ARHGEF3: variants seen among roughly 807,000 people sequenced by gnomAD.
The protein encoded by ARHGEF3 is 59.8 kDA protein.
A neutral mutation model predicts 63.2 loss-of-function variants in ARHGEF3; 28 were observed. That is an observed-to-expected ratio of 0.44 (90% CI 0.33 to 0.61). The LOEUF is 0.61. Ranked by LOEUF, ARHGEF3 falls within the 20% of genes least tolerant of loss-of-function variation. The pLI is 0.03. For synonymous variants in ARHGEF3, 266 were observed against 254.2 expected, an observed-to-expected ratio of 1.05 and a Z score of -0.44; for missense variants, 533 against 659.3, an observed-to-expected ratio of 0.81 and a Z score of 2.10.
chr3:56,796,759 G>C (rs2037390406), intron 1 of ARHGEF3, among the ~76,000 whole-genome samples: 1 of 152,148 alleles, frequency 6.6e-6, no homozygotes, highest in Admixed American at 6.5e-5. Flanking sequence ...GGTCAACTGG[G>C]ATTTTAGTCT....
chr3:56,743,112 C>T (rs1289347155), intron 7 of ARHGEF3, among the ~76,000 whole-genome samples: 1 of 152,148 alleles, frequency 6.6e-6, no homozygotes, highest in African/African-American at 2.4e-5. Flanking sequence ...CGCACTCTTC[C>T]CAGTAATAAA....
At chr3:57,060,150 T>A (rs1579190314) in intron 1 of ARHGEF3, among the ~76,000 whole-genome samples, 1 of 151,674 alleles carries the variant, frequency 6.6e-6, no homozygotes, top group East Asian at 1.9e-4. Context: ...CGAGACCCCA[T>A]CTCTATAAAA....
intron 1 of ARHGEF3, chr3:57,074,392 C>A: frequency 1.3e-6 from 1 of 777,118 alleles, no homozygotes; most frequent in Non-Finnish European, 2.1e-6. Flanking sequence ...CTTTCTGCAT[C>A]TTCTTAGATA....
exon 3 of ARHGEF3, chr3:56,958,865 G>C: frequency 6.4e-7 from 1 of 1,551,676 alleles, no homozygotes; most frequent in Non-Finnish European, 8.7e-7. Context: ...ACATGGGAAA[G>C]TTGTTTTGCC....
At chr3:57,058,507 G>C (rs968037506) in intron 1 of ARHGEF3, among the ~76,000 whole-genome samples, 1 of 152,188 alleles carries the variant, frequency 6.6e-6, no homozygotes, top group Non-Finnish European at 1.5e-5. Flanking sequence ...GTGCTGGAGA[G>C]GATGTGGAGA....
At chr3:57,004,832 C>T (rs1016303433) in intron 2 of ARHGEF3, among the ~76,000 whole-genome samples, 1 of 152,140 alleles carries the variant, frequency 6.6e-6, no homozygotes, top group Admixed American at 6.5e-5. Flanking sequence ...TGGTGCTATA[C>T]ACCTGTAGTC....
chr3:57,071,112 G>A (rs1705876050), intron 1 of ARHGEF3, among the ~76,000 whole-genome samples: 1 of 152,122 alleles, frequency 6.6e-6, no homozygotes, highest in South Asian at 2.1e-4. Flanking sequence ...CATAAGGATA[G>A]ACATATAGAT....
At chr3:56,822,689 C>G (rs945966598) in intron 4 of ARHGEF3, among the ~76,000 whole-genome samples, 7 of 151,942 alleles carry the variant, frequency 4.6e-5, no homozygotes, top group African/African-American at 1.7e-4. Flanking sequence ...CCCATCTGTA[C>G]TAGAATTACA....
At chr3:56,841,550 T>A (rs893303540) in intron 4 of ARHGEF3, among the ~76,000 whole-genome samples, 1 of 152,158 alleles carries the variant, frequency 6.6e-6, no homozygotes, top group Admixed American at 6.5e-5. Flanking sequence ...CCAGAAATTT[T>A]AAAAATTTAA....
At chr3:56,908,205 G>A (rs1319846003) in intron 3 of ARHGEF3, among the ~76,000 whole-genome samples, 2 of 152,180 alleles carry the variant, frequency 1.3e-5, no homozygotes, top group African/African-American at 2.4e-5. Context: ...CAGTGACCCC[G>A]AGCGGGGACT....
intron 2 of ARHGEF3, among the ~76,000 whole-genome samples, chr3:56,756,106 A>C (rs986072614): frequency 6.6e-6 from 1 of 152,234 alleles, no homozygotes; most frequent in Non-Finnish European, 1.5e-5. Flanking sequence ...AAGAGGCCGC[A>C]GAAGTCCACC....
chr3:56,883,139 A>G (rs1160785461), intron 3 of ARHGEF3, among the ~76,000 whole-genome samples: 4 of 152,208 alleles, frequency 2.6e-5, no homozygotes, highest in African/African-American at 4.8e-5. Flanking sequence ...ACAGAACCCT[A>G]ATGTTGGAAA....
intron 3 of ARHGEF3, among the ~76,000 whole-genome samples, chr3:56,918,976 T>C (rs557692447): frequency 6.6e-6 from 1 of 152,338 alleles, no homozygotes; most frequent in South Asian, 2.1e-4. Context: ...TCCCATTTGC[T>C]GGATGCACTG....
At chr3:56,826,399 G>A (rs2038714459) in intron 4 of ARHGEF3, among the ~76,000 whole-genome samples, 1 of 152,008 alleles carries the variant, frequency 6.6e-6, no homozygotes, top group Non-Finnish European at 1.5e-5. Flanking sequence ...TTACTTTTTT[G>A]CACTATTCAG....
At chr3:57,048,672 C>T (rs1704559126) in intron 1 of ARHGEF3, among the ~76,000 whole-genome samples, 2 of 152,114 alleles carry the variant, frequency 1.3e-5, no homozygotes, top group South Asian at 4.2e-4. Flanking sequence ...GACCACAAAC[C>T]AAAGCGAATT....
chr3:57,011,555 G>GC (rs1702701684), intron 2 of ARHGEF3, among the ~76,000 whole-genome samples: 1 of 152,068 alleles, frequency 6.6e-6, no homozygotes, highest in Admixed American at 6.5e-5. Context: ...GCACAGGACA[G>GC]CCCCCCACCT....
chr3:56,906,616 A>G (rs936788971), intron 3 of ARHGEF3, among the ~76,000 whole-genome samples: 1 of 152,188 alleles, frequency 6.6e-6, no homozygotes, highest in Non-Finnish European at 1.5e-5. Context: ...CAAGTGGATC[A>G]CCTGAGGTCA....
At chr3:56,920,970 A>G (rs1049221674) in intron 3 of ARHGEF3, among the ~76,000 whole-genome samples, 16 of 144,664 alleles carry the variant, frequency 1.1e-4, no homozygotes, top group South Asian at 4.8e-4. Context: ...CAGGAGAATG[A>G]TGTGAACCTG....
chr3:56,986,209 G>A (rs941526161), intron 2 of ARHGEF3, among the ~76,000 whole-genome samples: 1 of 152,206 alleles, frequency 6.6e-6, no homozygotes, highest in African/African-American at 2.4e-5. Context: ...AGGAAGTGCA[G>A]GGTCTTTAGG....
Sources: gnomAD v4.1 joint callset for allele counts (sites outside exome capture counted in the v4.1 genomes callset) on GRCh38, gnomAD v4.1.1 for gene constraint, MANE v1.5 for transcripts, NCBI Gene and HGNC (gene_info 2026-07-23, HGNC 2026-07-21) for gene names.